The following ALK variants were observed in gnomAD, a reference collection of about 807,000 sequenced individuals.
ALK encodes the protein ALK receptor tyrosine kinase.
In ALK, 74 loss-of-function variants were observed where a neutral mutation model predicts 163.1. The observed-to-expected ratio is 0.45, with a 90% CI of 0.38 to 0.55. The LOEUF (loss-of-function observed/expected upper bound fraction) is 0.55, where lower values mean the gene tolerates loss of function less well. ALK is among the 20% of genes least tolerant of loss of function. The probability of loss-of-function intolerance (pLI) is 0.00; values close to 1 mark genes in which losing one functional copy is unlikely to be tolerated. For missense variants in ALK, 2,063 were observed against 2,105.3 expected, an observed-to-expected ratio of 0.98 and a Z score of 0.39; for synonymous variants, 960 against 843.2, an observed-to-expected ratio of 1.14 and a Z score of -2.40.
At chr2:29,850,235 T>A (rs138673506) in intron 1 of ALK, among the ~76,000 whole-genome samples, 1 of 152,054 alleles carries the variant, frequency 6.6e-6, no homozygotes, top group East Asian at 1.9e-4. Flanking sequence ...AAAGAGCCCA[T>A]AGAAGACAAA....
intron 3 of ALK, among the ~76,000 whole-genome samples, chr2:29,599,947 C>T (rs950186290): frequency 1.1e-4 from 16 of 152,156 alleles, no homozygotes; most frequent in Admixed American, 3.3e-4. Flanking sequence ...GGTTCCCACC[C>T]CTACCATCTC....
intron 1 of ALK, among the ~76,000 whole-genome samples, chr2:29,744,005 GCT>G (rs1295648006): frequency 2.0e-5 from 3 of 151,596 alleles, no homozygotes; most frequent in African/African-American, 7.3e-5. Context: ...TGCAAAGAAG[GCT>G]CTCAGAGAAC....
chr2:29,200,512 C>T (rs1266508334), intron 26 of ALK, among the ~76,000 whole-genome samples: 1 of 151,722 alleles, frequency 6.6e-6, no homozygotes, highest in Non-Finnish European at 1.5e-5. Flanking sequence ...TATATGTATG[C>T]TCCAATATTT....
intron 3 of ALK, among the ~76,000 whole-genome samples, chr2:29,602,587 A>T (rs189576968): frequency 6.4e-4 from 98 of 152,230 alleles, no homozygotes; most frequent in Non-Finnish European, 1.6e-4. Context: ...GGAAACCACA[A>T]TGCCTGACTA....
chr2:29,891,749 C>A (rs1055735336), intron 1 of ALK, among the ~76,000 whole-genome samples: 3 of 152,166 alleles, frequency 2.0e-5, no homozygotes, highest in Non-Finnish European at 4.4e-5. Context: ...GGACCACATG[C>A]TACCCAAGCC....
intron 11 of ALK, among the ~76,000 whole-genome samples, chr2:29,269,723 G>C (rs544658213): frequency 1.3e-5 from 2 of 152,292 alleles, no homozygotes; most frequent in African/African-American, 4.8e-5. Context: ...GGGCAGCTGA[G>C]CAGGGAAATG....
chr2:29,300,596 C>T (rs888662319), intron 8 of ALK, among the ~76,000 whole-genome samples: 14 of 147,788 alleles, frequency 9.5e-5, no homozygotes, highest in South Asian at 2.2e-4. Context: ...TAAGTCAAGG[C>T]GAAAAATTCT....
At chr2:29,438,083 G>A (rs1670449096) in intron 4 of ALK, among the ~76,000 whole-genome samples, 1 of 151,786 alleles carries the variant, frequency 6.6e-6, no homozygotes, top group African/African-American at 2.4e-5. Flanking sequence ...GGAATATGTA[G>A]GCGGAGCTAA....
chr2:29,380,105 CTTT>C (rs200374527), intron 5 of ALK, among the ~76,000 whole-genome samples: 26 of 137,800 alleles, frequency 1.9e-4, no homozygotes, highest in South Asian at 4.8e-4. Flanking sequence ...GTGCTGCACA[CTTT>C]TTTTTTTTTT....
intron 7 of ALK, 56 bp downstream of exon 7, chr2:29,320,695 C>T: frequency 3.1e-6 from 5 of 1,611,022 alleles, no homozygotes; most frequent in Non-Finnish European, 4.2e-6. Context: ...AGTCTCCCAT[C>T]TGTCTATGTG....
chr2:29,225,599 C>T (rs1405932599), intron 18 of ALK, 34 bp from the exon 19 acceptor site: 1 of 1,557,970 alleles, frequency 6.4e-7, no homozygotes, highest in Non-Finnish European at 8.8e-7. Flanking sequence ...TATTGACAAC[C>T]ACACCAGGTC....
intron 3 of ALK, among the ~76,000 whole-genome samples, chr2:29,688,444 A>G (rs902416700): frequency 5.3e-5 from 8 of 152,260 alleles, no homozygotes; most frequent in East Asian, 1.9e-4. Context: ...TTAGGCACAC[A>G]AAAGTGCATA....
At chr2:29,200,775 A>G (rs1180504682) in intron 26 of ALK, among the ~76,000 whole-genome samples, 1 of 118,108 alleles carries the variant, frequency 8.5e-6, no homozygotes, top group East Asian at 5.0e-4. Flanking sequence ...ATATATACGT[A>G]TATATATGTA....
At chr2:29,629,199 C>G (rs558372984) in intron 3 of ALK, among the ~76,000 whole-genome samples, 1 of 152,200 alleles carries the variant, frequency 6.6e-6, no homozygotes, top group African/African-American at 2.4e-5. Context: ...GAATCCCACA[C>G]TCAAACCCAA....
chr2:29,752,375 A>C (rs927767563), intron 1 of ALK, among the ~76,000 whole-genome samples: 1 of 110,538 alleles, frequency 9.0e-6, no homozygotes, highest in Middle Eastern at 5.6e-3. Context: ...TTTGAGACGG[A>C]GTTTCGCTCT....
chr2:29,399,016 TCTCTG>T (rs1669378934), intron 4 of ALK, among the ~76,000 whole-genome samples: 1 of 151,794 alleles, frequency 6.6e-6, no homozygotes, highest in African/African-American at 2.4e-5. Flanking sequence ...TCTGCAAGAG[TCTCTG>T]GCTTTGGAAA....
intron 3 of ALK, among the ~76,000 whole-genome samples, chr2:29,681,550 T>C (rs1019304328): frequency 3.3e-5 from 5 of 152,202 alleles, no homozygotes; most frequent in African/African-American, 1.2e-4. Context: ...GGCCATTTAG[T>C]TCTTGAGTGT....
At chr2:29,221,229 C>T (rs1569156) in intron 22 of ALK, 518,899 of 535,118 alleles carry the variant, frequency 0.97, 252,827 homozygotes, top group Non-Finnish European at 1. Context: ...CAACTGCTTC[C>T]AAGAGAGACT....
intron 1 of ALK, among the ~76,000 whole-genome samples, chr2:29,823,788 T>C (rs562817222): frequency 5.9e-5 from 9 of 152,228 alleles, no homozygotes; most frequent in Non-Finnish European, 1.3e-4. Flanking sequence ...GTTCAGAAAA[T>C]TTGCAGCCTG....
Sources: gnomAD v4.1 joint callset for allele counts (sites outside exome capture counted in the v4.1 genomes callset) on GRCh38, gnomAD v4.1.1 for gene constraint, MANE v1.5 for transcripts, NCBI Gene and HGNC (gene_info 2026-07-23, HGNC 2026-07-21) for gene names.